Variants in FGGY observed in about 807,000 individuals in gnomAD.
FGGY encodes the protein FGGY carbohydrate kinase domain containing, also known as FGGY carbohydrate kinase domain-containing protein.
Under a neutral mutation model 71.3 loss-of-function variants are expected in FGGY, and 72 were observed. The observed-to-expected ratio is 1.01, with a 90% confidence interval of 0.84 to 1.23. The LOEUF is 1.23. Ranked by LOEUF, FGGY falls within the 50% of genes most tolerant of loss-of-function variation. The probability of loss-of-function intolerance (pLI) is 0.00; values close to 1 mark genes in which losing one functional copy is unlikely to be tolerated. For synonymous variants in FGGY, 251 were observed against 250.3 expected (o/e 1.00, Z -0.02); for missense variants, 668 against 682.3 (o/e 0.98, Z 0.23).
intron 1 of FGGY, among the ~76,000 whole-genome samples, chr1:59,297,704 T>C (rs567621799): frequency 6.6e-6 from 1 of 151,764 alleles, no homozygotes; most frequent in African/African-American, 2.4e-5. Flanking sequence ...GCGCCTGCAG[T>C]CCCAGCTTCT....
chr1:59,746,654 G>A (rs907977200), intron 14 of FGGY, among the ~76,000 whole-genome samples: 5 of 151,962 alleles, frequency 3.3e-5, no homozygotes, highest in South Asian at 2.1e-4. Context: ...ATCACACCTG[G>A]CTAATTTTTA....
intron 6 of FGGY, among the ~76,000 whole-genome samples, chr1:59,475,643 T>C (rs917944975): frequency 1.3e-5 from 2 of 152,230 alleles, no homozygotes; most frequent in South Asian, 4.1e-4. Flanking sequence ...AATGCTTCTC[T>C]TCTTCCTCTT....
intron 12 of FGGY, among the ~76,000 whole-genome samples, chr1:59,664,212 C>T (rs910791808): frequency 3.3e-5 from 5 of 152,238 alleles, no homozygotes; most frequent in Non-Finnish European, 2.9e-5. Flanking sequence ...TTAAATTTCT[C>T]TGTGAAAACA....
chr1:59,588,682 C>T (rs958836718), intron 8 of FGGY, among the ~76,000 whole-genome samples: 3 of 152,086 alleles, frequency 2.0e-5, no homozygotes, highest in Admixed American at 1.3e-4. Flanking sequence ...TCATATCCAG[C>T]CAAACTAAGC....
intron 8 of FGGY, among the ~76,000 whole-genome samples, chr1:59,580,169 T>C (rs993306567): frequency 2.0e-5 from 3 of 152,140 alleles, no homozygotes; most frequent in Non-Finnish European, 4.4e-5. Context: ...TCTCTATCCT[T>C]CTTTATTTTT....
intron 5 of FGGY, among the ~76,000 whole-genome samples, chr1:59,395,357 T>C (rs928234184): frequency 1.2e-4 from 19 of 152,204 alleles, no homozygotes; most frequent in African/African-American, 4.1e-4. Context: ...GTGTATATTC[T>C]AATTTAAAAG....
intron 10 of FGGY, among the ~76,000 whole-genome samples, chr1:59,632,319 C>T (rs2153871070): frequency 6.6e-6 from 1 of 152,208 alleles, no homozygotes; most frequent in Admixed American, 6.5e-5. Flanking sequence ...GGTTTCAAAG[C>T]CCTTAATGTT....
intron 14 of FGGY, among the ~76,000 whole-genome samples, chr1:59,751,902 A>G (rs1213571690): frequency 6.6e-6 from 1 of 152,230 alleles, no homozygotes; most frequent in South Asian, 2.1e-4. Flanking sequence ...AGTTTAAACT[A>G]GTTAATACCT....
intron 14 of FGGY, among the ~76,000 whole-genome samples, chr1:59,735,607 C>A (rs964323144): frequency 6.6e-6 from 1 of 152,188 alleles, no homozygotes; most frequent in African/African-American, 2.4e-5. Flanking sequence ...CTCTACAAGG[C>A]AGCTATGACT....
At chr1:59,622,817 C>T (rs72666263) in intron 9 of FGGY, among the ~76,000 whole-genome samples, 1 of 152,286 alleles carries the variant, frequency 6.6e-6, no homozygotes, top group Non-Finnish European at 1.5e-5. Context: ...TGTATAAAAT[C>T]AGGAAACACA....
chr1:59,311,558 T>G (rs1048970434), intron 1 of FGGY, among the ~76,000 whole-genome samples: 1 of 152,204 alleles, frequency 6.6e-6, no homozygotes, highest in African/African-American at 2.4e-5. Context: ...CATATCCCTG[T>G]GAAGGACATG....
At chr1:59,398,571 G>A (rs1028239146) in intron 5 of FGGY, among the ~76,000 whole-genome samples, 1 of 152,010 alleles carries the variant, frequency 6.6e-6, no homozygotes, top group African/African-American at 2.4e-5. Flanking sequence ...GTTTTCAGAG[G>A]CCATTTGCCA....
At chr1:59,707,092 T>C (rs928709856) in intron 14 of FGGY, among the ~76,000 whole-genome samples, 2 of 152,198 alleles carry the variant, frequency 1.3e-5, no homozygotes, top group African/African-American at 4.8e-5. Context: ...CTGGTTTCTA[T>C]GGATCAGGCC....
At chr1:59,374,206 AG>A (rs2058238456) in intron 4 of FGGY, among the ~76,000 whole-genome samples, 1 of 152,354 alleles carries the variant, frequency 6.6e-6, no homozygotes, top group Non-Finnish European at 1.5e-5. Context: ...CAAATTTACA[AG>A]AAAAAAACAA....
intron 1 of FGGY, among the ~76,000 whole-genome samples, chr1:59,312,966 G>T (rs376099958): frequency 1.3e-5 from 2 of 152,144 alleles, no homozygotes; most frequent in Non-Finnish European, 2.9e-5. Context: ...TTAATACCAT[G>T]TCCCTCTTCC....
At chr1:59,370,079 G>A (rs987391685) in intron 4 of FGGY, among the ~76,000 whole-genome samples, 2 of 152,230 alleles carry the variant, frequency 1.3e-5, no homozygotes, top group African/African-American at 4.8e-5. Flanking sequence ...ACTTTGACGA[G>A]TTGAGAGAAG....
intron 14 of FGGY, among the ~76,000 whole-genome samples, chr1:59,679,312 ATT>A (rs56238250): frequency 4.1e-5 from 6 of 147,954 alleles, no homozygotes; most frequent in Non-Finnish European, 7.5e-5. Flanking sequence ...ACTTTCTGTG[ATT>A]TTTTTTTTTA....
chr1:59,591,005 G>C (rs1319612292), intron 8 of FGGY, among the ~76,000 whole-genome samples: 1 of 152,192 alleles, frequency 6.6e-6, no homozygotes, highest in Non-Finnish European at 1.5e-5. Flanking sequence ...AATTGTCCCT[G>C]TTTGCAGATG....
At chr1:59,509,862 C>T (rs1412457259) in intron 6 of FGGY, among the ~76,000 whole-genome samples, 2 of 152,124 alleles carry the variant, frequency 1.3e-5, no homozygotes, top group Non-Finnish European at 2.9e-5. Context: ...GAGTGCCCCA[C>T]CCTGCTAATC....
Sources: gnomAD v4.1 joint callset for allele counts (sites outside exome capture counted in the v4.1 genomes callset) on GRCh38, gnomAD v4.1.1 for gene constraint, MANE v1.5 for transcripts, NCBI Gene and HGNC (gene_info 2026-07-23, HGNC 2026-07-21) for gene names.